The following FAM13A variants were observed in gnomAD, a reference collection of about 807,000 sequenced individuals.
FAM13A encodes the protein protein FAM13A.
In FAM13A, 76 loss-of-function variants were observed where a neutral mutation model predicts 129.6. The observed-to-expected ratio is 0.59, with a 90% CI of 0.49 to 0.71. The LOEUF (loss-of-function observed/expected upper bound fraction) is 0.71. FAM13A is among the 30% of genes least tolerant of loss of function. FAM13A has a pLI of 0.00. For missense variants in FAM13A, 1,108 were observed against 1,249.3 expected (o/e 0.89, Z 1.70); for synonymous variants, 443 against 449.9 (o/e 0.98, Z 0.20).
intron 7 of FAM13A, 53 bp downstream of exon 7, chr4:88,850,967 C>A: frequency 6.4e-7 from 1 of 1,562,242 alleles, no homozygotes; most frequent in African/African-American, 1.4e-5. Context: ...CGGGCCTAAA[C>A]ATAAGAGCGA....
In FAM13A at chr4:88,884,457, A is replaced by G. The variant is rs530115574; in HGVS notation, c.843+21922T>C. On this transcript the variant is annotated intron_variant, in intron 6 of 23. Transcript: ENST00000264344. ...ATTTGACAAAATCCATCATCGCTTT[A>G]TTATTAAAACCCTCAGCAAAACTGG... Among the ~76,000 whole-genome samples, 36 of 152,308 alleles carry G rather than the reference A, an allele frequency of 2.4e-4. No individual in the cohort carries two copies. The East Asian group carries it at 6.7e-3, about 29-fold the overall frequency.
chr4:88,991,669 G>C (rs910676563), intron 3 of FAM13A, among the ~76,000 whole-genome samples: 1 of 152,056 alleles, frequency 6.6e-6, no homozygotes. Context: ...TGATATGAGA[G>C]ACCTTCAAGG....
intron 4 of FAM13A, among the ~76,000 whole-genome samples, chr4:88,958,880 C>G (rs551952122): frequency 6.6e-6 from 1 of 152,168 alleles, no homozygotes; most frequent in East Asian, 1.9e-4. Flanking sequence ...CCCTGCAAAG[C>G]CAAAAGGGTA....
intron 5 of FAM13A, among the ~76,000 whole-genome samples, chr4:88,915,989 T>C (rs987831992): frequency 2.0e-5 from 3 of 152,032 alleles, no homozygotes; most frequent in Non-Finnish European, 4.4e-5. Flanking sequence ...GCTATGCTTC[T>C]TGTACATCCT....
rs1310387013 is a variant in FAM13A, at chr4:88,990,979, CA to C, written c.598del (p.Cys200AlafsTer11). ...TAAAACTCCACTAACTTACTGAAAGCAATTTGGCCCAAATACAGTGGCGAGA... is the reference window on the plus strand; with the variant it reads ...TAAAACTCCACTAACTTACTGAAAGCATTTGGCCCAAATACAGTGGCGAGA... Reference protein sequence around the residue: ...HNLATVFGPNCFHVPPGLEGM... With the variant: ...HNLATVFGPNXFHVPPGLEGM... On this transcript the variant is annotated frameshift_variant, in exon 4 of 24. Coordinates refer to ENST00000264344, the MANE Select transcript of FAM13A (RefSeq NM_014883.4). LOFTEE classifies it high-confidence loss of function. 6.2e-7 allele frequency: 1 copy of C among 1,613,518 alleles called. No individual in the cohort carries two copies. The highest frequency in any genetic ancestry group is 1.3e-5 in the African/African-American group (1 of 74,890).
intron 7 of FAM13A, among the ~76,000 whole-genome samples, chr4:88,846,206 G>C (rs989467225): frequency 1.3e-5 from 2 of 152,166 alleles, no homozygotes; most frequent in Non-Finnish European, 2.9e-5. Flanking sequence ...GAATCACAGA[G>C]CTTGTCTTAA....
At chr4:88,837,199 T>C (rs2149910529) in intron 7 of FAM13A, among the ~76,000 whole-genome samples, 1 of 150,880 alleles carries the variant, frequency 6.6e-6, no homozygotes, top group South Asian at 2.1e-4. Flanking sequence ...TCTCCCATGT[T>C]GGTCAGGCTG....
chr4:88,807,654 C>T (rs1728845280), intron 7 of FAM13A, among the ~76,000 whole-genome samples: 2 of 152,146 alleles, frequency 1.3e-5, no homozygotes, highest in South Asian at 4.1e-4. Context: ...AACAAGATCT[C>T]GTGGACTTGA....
chr4:89,007,266 A>T (rs1388881733), intron 3 of FAM13A, among the ~76,000 whole-genome samples: 1 of 152,214 alleles, frequency 6.6e-6, no homozygotes, highest in East Asian at 1.9e-4. Flanking sequence ...GGGCAGAGTG[A>T]TTCTATCTGT....
intron 7 of FAM13A, among the ~76,000 whole-genome samples, chr4:88,838,199 G>A (rs1735161536): frequency 6.6e-6 from 1 of 152,118 alleles, no homozygotes; most frequent in Non-Finnish European, 1.5e-5. Flanking sequence ...TACCCCCAGG[G>A]ATATACCTAC....
intron 13 of FAM13A, among the ~76,000 whole-genome samples, chr4:88,763,353 C>T (rs1372641854): frequency 1.3e-5 from 2 of 152,068 alleles, no homozygotes; most frequent in Non-Finnish European, 2.9e-5. Flanking sequence ...GTCCTTGGCA[C>T]TGGAATTTAG....
chr4:88,786,166 T>C (rs1723923470), intron 10 of FAM13A, among the ~76,000 whole-genome samples: 1 of 152,118 alleles, frequency 6.6e-6, no homozygotes, highest in Non-Finnish European at 1.5e-5. Context: ...TATCTGTTTC[T>C]ACCTCCACTG....
intron 7 of FAM13A, among the ~76,000 whole-genome samples, chr4:88,835,670 A>C (rs1481156963): frequency 3.3e-5 from 5 of 152,012 alleles, no homozygotes; most frequent in Non-Finnish European, 7.4e-5. Flanking sequence ...ATCAGGCATT[A>C]GATTCTCACA....
chr4:88,870,300 C>G (rs1741138668), intron 6 of FAM13A, among the ~76,000 whole-genome samples: 1 of 152,148 alleles, frequency 6.6e-6, no homozygotes, highest in South Asian at 2.1e-4. Flanking sequence ...GGGTGCAGCC[C>G]ACGGAGGGCG....
chr4:88,797,081 G>A (rs75283650), intron 8 of FAM13A, among the ~76,000 whole-genome samples: 2,000 of 151,948 alleles, frequency 0.013, 45 homozygotes, highest in African/African-American at 0.046. Context: ...TACTTTCTTT[G>A]CCTTTCCACC....
chr4:89,006,491 G>A (rs1322627912), intron 3 of FAM13A, among the ~76,000 whole-genome samples: 2 of 152,208 alleles, frequency 1.3e-5, no homozygotes, highest in Admixed American at 1.3e-4. Flanking sequence ...CAAACCCCTT[G>A]TGGGAGGAGG....
chr4:88,968,570 C>T (rs1050139563), intron 4 of FAM13A, among the ~76,000 whole-genome samples: 3 of 152,068 alleles, frequency 2.0e-5, no homozygotes, highest in Admixed American at 2.0e-4. Context: ...CTATATGCCC[C>T]AGAGGATATA....
chr4:88,847,283 C>A (rs1736798300), intron 7 of FAM13A, among the ~76,000 whole-genome samples: 1 of 151,946 alleles, frequency 6.6e-6, no homozygotes. Flanking sequence ...TTTGAGAGGC[C>A]AAGGTGGTTA....
In FAM13A at chr4:88,813,675, G is replaced by A. The variant is rs570137982; in HGVS notation, c.1008-8623C>T. 3.9e-5 allele frequency among the ~76,000 whole-genome samples: 6 copies of A among 152,274 alleles called. No individual in the cohort carries two copies. In the East Asian group the frequency reaches 9.6e-4, roughly 24 times the overall value. ...TTCTTGAGACAAAGATGTGCAGAAG[G>A]CATGCAAATTATCCTGTCATCCTCT... is the stretch of plus-strand genomic sequence containing the variant. On this transcript the variant is annotated intron_variant, in intron 7 of 23. Coordinates refer to ENST00000264344, the MANE Select transcript of FAM13A (RefSeq NM_014883.4).
Sources: allele counts gnomAD v4.1 joint callset (sites outside exome capture counted in the v4.1 genomes callset), GRCh38; gene constraint gnomAD v4.1.1; transcripts MANE v1.5; gene names NCBI Gene and HGNC (gene_info 2026-07-23, HGNC 2026-07-21).